PACS2: variants seen among roughly 807,000 people sequenced by gnomAD.
PACS2 encodes PACS1-like protein.
In PACS2, 36 loss-of-function variants were observed where a neutral mutation model predicts 113.0. The ratio of observed to expected loss-of-function variants is 0.32; its 90% confidence interval spans 0.24 to 0.42. The LOEUF (loss-of-function observed/expected upper bound fraction) is 0.42. PACS2 is among the 10% of genes least tolerant of loss of function. PACS2 has a pLI of 1.00. For synonymous variants in PACS2, 589 were observed against 536.1 expected, an observed-to-expected ratio of 1.10 and a Z score of -1.36; for missense variants, 1,015 against 1,239.5, an observed-to-expected ratio of 0.82 and a Z score of 2.72.
Position 105,323,230 on chromosome 14 carries a change from T to C in PACS2, c.119+8193T>C, listed in dbSNP as rs1029778466. Reference sequence around the variant, plus strand: ...CTCTCAGCCACTTTTTCTTCTGCTGTTGGTTCTGCGCTATTCTCTCTCTCA... The same window carrying C: ...CTCTCAGCCACTTTTTCTTCTGCTGCTGGTTCTGCGCTATTCTCTCTCTCA... On this transcript the variant is annotated intron_variant, in intron 1 of 24. Coordinates refer to ENST00000447393, the MANE Select transcript of PACS2 (RefSeq NM_001100913.3). The surrounding 1 kb of genome is among the most constrained non-coding windows in gnomAD (Gnocchi z 4.1). Among the ~76,000 whole-genome samples the C allele has an allele frequency of 2.2e-4, 34 of 152,226 alleles. No individual in the cohort carries two copies. The highest frequency in any genetic ancestry group is 8.2e-4 in the African/African-American group (34 of 41,444).
At chr14:105,316,640 C>G (rs377576230) in intron 1 of PACS2, among the ~76,000 whole-genome samples, 12 of 152,288 alleles carry the variant, frequency 7.9e-5, no homozygotes, top group East Asian at 1.9e-4. Context: ...TATCAGCCCC[C>G]CTGTGGAGCT....
intron 1 of PACS2, among the ~76,000 whole-genome samples, chr14:105,333,870 C>G (rs969543065): frequency 6.6e-6 from 1 of 152,222 alleles, no homozygotes; most frequent in African/African-American, 2.4e-5. Context: ...ACAGGCCTTC[C>G]CAGAGGGGGT....
In PACS2 at chr14:105,368,376, C is replaced by T. The variant is rs1566947168; in HGVS notation, c.661-83C>T. On this transcript the variant is annotated intron_variant, in intron 6 of 24. Coordinates refer to ENST00000447393, the MANE Select transcript of PACS2 (RefSeq NM_001100913.3). ...GTGGGCTCTCAGTGCCGGGCCTCTC[C>T]CATCGCCCACGCTGAGGCTGGCAGG... 3.6e-6 allele frequency: 4 copies of T among 1,097,268 alleles called. No homozygotes were observed. In the South Asian group the frequency reaches 5.0e-5, roughly 14 times the overall value. The allele number at this position is 1,097,268 out of a possible 1,614,324, so 68.0% of individuals were successfully genotyped here.
intron 8 of PACS2, chr14:105,374,995 T>C (rs1197183981): frequency 6.6e-6 from 1 of 152,154 alleles, no homozygotes; most frequent in African/African-American, 2.4e-5. Context: ...ATAAAGTGAT[T>C]ATCACTTGTC....
At chr14:105,300,965 G>C (rs1056527441) in exon 1 of PACS2, 20 of 154,338 alleles carry the variant, frequency 1.3e-4, no homozygotes, top group African/African-American at 4.8e-4. Context: ...GGCGGAACCC[G>C]AGCGGGGCCT....
intron 20 of PACS2, 119 bp downstream of exon 20, chr14:105,390,122 G>T: frequency 2.1e-6 from 2 of 947,836 alleles, no homozygotes; most frequent in Non-Finnish European, 3.5e-6. Flanking sequence ...GATACGAGCT[G>T]GGGATTTGCC....
intron 1 of PACS2, among the ~76,000 whole-genome samples, chr14:105,304,763 C>G (rs2058134332): frequency 6.6e-6 from 1 of 152,254 alleles, no homozygotes; most frequent in Non-Finnish European, 1.5e-5. Flanking sequence ...CAAGGAGGAG[C>G]AAGTCACGTC....
In PACS2 at chr14:105,304,829, A is replaced by G. The variant is rs370259940; in HGVS notation, c.-83+3850A>G. On this transcript the variant is annotated intron_variant, in intron 1 of 23. Transcript: ENST00000430725. ...CTTCTGCAGGGAAACTCCCTCTTATAAAACCGTCAGATCTCGTGAGACTTA... is the reference window on the plus strand; with the variant it reads ...CTTCTGCAGGGAAACTCCCTCTTATGAAACCGTCAGATCTCGTGAGACTTA... 1.4e-3 allele frequency among the ~76,000 whole-genome samples: 213 copies of G among 152,348 alleles called. 7 individuals carry two copies. In the South Asian group the frequency reaches 0.043, roughly 30 times the overall value.
In PACS2 at chr14:105,356,167, AC is replaced by A. The variant is rs1460827231; in HGVS notation, c.423+995del. 6.6e-6 allele frequency among the ~76,000 whole-genome samples: 1 copy of A among 151,722 alleles called. No individual in the cohort carries two copies. Among genetic ancestry groups the A allele is most frequent in the Non-Finnish European group, 1.5e-5 (1 of 67,902 alleles). On this transcript the variant is annotated intron_variant, in intron 4 of 24. Coordinates refer to ENST00000447393, the MANE Select transcript of PACS2 (RefSeq NM_001100913.3). This position sits in a 1 kb window ranked among gnomAD's most constrained non-coding sequence, Gnocchi z 4.0. Reference sequence around the variant, plus strand: ...GCCCACTTGTAGCTGGTTCCCCCACACCCCCAGGCCCAGCCTGCAGGCCTCC... The same window carrying A: ...GCCCACTTGTAGCTGGTTCCCCCACACCCCAGGCCCAGCCTGCAGGCCTCC...
intron 1 of PACS2, among the ~76,000 whole-genome samples, chr14:105,302,968 A>G (rs1270269148): frequency 6.7e-6 from 1 of 149,868 alleles, no homozygotes; most frequent in Non-Finnish European, 1.5e-5. Context: ...GATAGAGAAC[A>G]CCCAGGCTGG....
At chr14:105,316,792 G>A (rs879734611) in intron 1 of PACS2, among the ~76,000 whole-genome samples, 1 of 152,104 alleles carries the variant, frequency 6.6e-6, no homozygotes, top group Admixed American at 6.5e-5. Context: ...GTGCTGGGGG[G>A]GGTCCCGAGC....
intron 19 of PACS2, chr14:105,389,728 G>A (rs1402834046): frequency 3.4e-6 from 2 of 581,192 alleles, no homozygotes; most frequent in Non-Finnish European, 6.2e-6. Context: ...TGTCCTTCCA[G>A]CATGTCAGCA....
At chr14:105,322,905 A>G (rs1432978064) in intron 1 of PACS2, among the ~76,000 whole-genome samples, 3 of 152,034 alleles carry the variant, frequency 2.0e-5, no homozygotes, top group Non-Finnish European at 4.4e-5. Context: ...TTGTCTGAAG[A>G]TGTTTTAGTT....
chr14:105,336,550 G>T (rs1353230094), intron 1 of PACS2: 1 of 152,488 alleles, frequency 6.6e-6, no homozygotes, highest in East Asian at 1.9e-4. Context: ...AGCGAGTGAG[G>T]ACAGGGCTGG....
At chr14:105,302,728 G>A (rs753962291) in intron 1 of PACS2, among the ~76,000 whole-genome samples, 3 of 152,320 alleles carry the variant, frequency 2.0e-5, no homozygotes, top group African/African-American at 2.4e-5. Context: ...TGGAACTACA[G>A]GCATGTGCCA....
Position 105,354,060 on chromosome 14 carries a change from C to T in PACS2, c.298-992C>T, listed in dbSNP as rs1555404792. On this transcript the variant is annotated intron_variant, in intron 3 of 24. Coordinates refer to ENST00000447393, the MANE Select transcript of PACS2 (RefSeq NM_001100913.3). This position sits in a 1 kb window ranked among gnomAD's most constrained non-coding sequence, Gnocchi z 4.2. ...CTGAGATCATGCCATAGCACTCCAG[C>T]CTGGGGGACAGAGTGAGACTCCATC... Among the ~76,000 whole-genome samples, 1 of 151,630 alleles carries T rather than the reference C, an allele frequency of 6.6e-6. No homozygotes were observed. The highest frequency in any genetic ancestry group is 1.5e-5 in the Non-Finnish European group (1 of 67,946).
In PACS2 at chr14:105,314,958, G is replaced by T; in HGVS notation, c.40G>T (p.Gly14Cys). Reference protein sequence around the residue: ...RGRLGLPGAPGALNTPVPMNL... With the variant: ...RGRLGLPGAPCALNTPVPMNL... The stretch of plus-strand genomic sequence containing the variant: ...CCGCCTCGGCCTCCCCGGCGCGCCC[G>T]GCGCGCTCAACACGCCCGTGCCCAT... The change falls in exon 1 of 25, where the codon GGC (glycine) becomes TGC (cysteine). Residue 14 changes from glycine to cysteine, a missense_variant. Gly to Cys is a radical substitution (Grantham distance 159). Coordinates refer to ENST00000447393, the MANE Select transcript of PACS2 (RefSeq NM_001100913.3). 1 of 1,193,822 alleles carries T rather than the reference G, an allele frequency of 8.4e-7. No homozygotes were observed. The highest frequency in any genetic ancestry group is 5.9e-5 in the East Asian group (1 of 16,872). The allele number at this position is 1,193,822 out of a possible 1,614,324, so 74.0% of individuals were successfully genotyped here.
chr14:105,352,504 CTG>C, intron 3 of PACS2, 37 bp downstream of exon 3: 1 of 1,336,126 alleles, frequency 7.5e-7, no homozygotes, highest in African/African-American at 1.4e-5. Context: ...ACCCTCATCA[CTG>C]TCCCCTGGGG....
chr14:105,356,210 C>T lies in PACS2; in HGVS notation c.423+1033C>T, dbSNP rs1555405288. ...CAGGCCTCCTGTCTCCCAGGTCAAG[C>T]GCTAGGTCCCCCAGATCCTCACACA... On this transcript the variant is annotated intron_variant, in intron 4 of 24. Coordinates refer to ENST00000447393, the MANE Select transcript of PACS2 (RefSeq NM_001100913.3). The surrounding 1 kb of genome is among the most constrained non-coding windows in gnomAD (Gnocchi z 4.0). Among the ~76,000 whole-genome samples the T allele has an allele frequency of 2.0e-5, 3 of 152,120 alleles. No homozygotes were observed. Among genetic ancestry groups the T allele is most frequent in the African/African-American group, 7.2e-5 (3 of 41,434 alleles).
Sources: gnomAD v4.1 joint callset for allele counts (sites outside exome capture counted in the v4.1 genomes callset) on GRCh38, gnomAD v4.1.1 for gene constraint, Gnocchi (gnomAD v3.1) non-coding constraint, MANE v1.5 for transcripts, NCBI Gene and HGNC (gene_info 2026-07-23, HGNC 2026-07-21) for gene names.